The following MASP1 variants were observed in gnomAD, a reference collection of about 807,000 sequenced individuals.
MASP1 encodes the protein mannan-binding lectin serine protease 1.
Under a neutral mutation model 77.1 loss-of-function variants are expected in MASP1, and 59 were observed. The ratio of observed to expected loss-of-function variants is 0.77; its 90% CI spans 0.62 to 0.95. The LOEUF (loss-of-function observed/expected upper bound fraction) is 0.95, where lower values mean the gene tolerates loss of function less well. MASP1 is among the 40% of genes least tolerant of loss of function. The pLI, the probability that MASP1 is intolerant of heterozygous loss-of-function variation, is 0.00. For missense variants in MASP1, 885 were observed against 912.9 expected (o/e 0.97, Z 0.39); for synonymous variants, 362 against 354.5 (o/e 1.02, Z -0.24).
At chr3:187,287,802 G>T (rs550245903) in intron 1 of MASP1, among the ~76,000 whole-genome samples, 1 of 152,132 alleles carries the variant, frequency 6.6e-6, no homozygotes, top group Non-Finnish European at 1.5e-5. Context: ...TAATCAGGAC[G>T]TTGTTTCTCT....
chr3:187,270,816 C>T (rs1427584589), intron 2 of MASP1, among the ~76,000 whole-genome samples: 2 of 152,184 alleles, frequency 1.3e-5, no homozygotes, highest in African/African-American at 4.8e-5. Flanking sequence ...AATTCACTGG[C>T]ATTCACTATC....
intron 2 of MASP1, among the ~76,000 whole-genome samples, chr3:187,275,590 A>T (rs1447478240): frequency 6.6e-6 from 1 of 152,202 alleles, no homozygotes; most frequent in Non-Finnish European, 1.5e-5. Context: ...TCCAGCCATC[A>T]TCAAGTTTCA....
At position 187,260,823 on chromosome 3, in the gene MASP1, G is replaced by A. The variant is rs1375893490; in HGVS notation, c.465C>T (p.His155=). ...EREDEELSCD[H]YCHNYIGGYY... ...AGCCGCCAATGTAGTTGTGGCAGTA[G>A]TGGTCACAGGACAGCTCCTCGTCCT... is the stretch of plus-strand genomic sequence containing the variant. Residue 155 remains histidine, a synonymous_variant, in exon 4 of 11, where the codon CAC becomes CAT. Coordinates refer to ENST00000296280, the MANE Select transcript of MASP1 (RefSeq NM_139125.4). 11 of 1,614,058 alleles carry A rather than the reference G, an allele frequency of 6.8e-6. No individual in the cohort carries two copies. The highest frequency in any genetic ancestry group is 8.5e-6 in the Non-Finnish European group (10 of 1,180,034).
chr3:187,264,832 G>T (rs959720019), intron 2 of MASP1, among the ~76,000 whole-genome samples: 5 of 152,126 alleles, frequency 3.3e-5, no homozygotes, highest in Admixed American at 1.3e-4. Flanking sequence ...TAGAATGAGG[G>T]CCTGGGAAAG....
At chr3:187,273,709 C>T (rs577091710) in intron 2 of MASP1, among the ~76,000 whole-genome samples, 1 of 152,312 alleles carries the variant, frequency 6.6e-6, no homozygotes, top group East Asian at 1.9e-4. Flanking sequence ...TTAAAGGCAC[C>T]TGATACCAGA....
chr3:187,291,499 A>C, intron 1 of MASP1, 129 bp downstream of exon 1: 2 of 1,261,314 alleles, frequency 1.6e-6, no homozygotes, highest in South Asian at 1.2e-5. Context: ...CTAAGAATTG[A>C]TGAGAAAGCC....
At chr3:187,255,886 T>C (rs1387753444) in intron 5 of MASP1, among the ~76,000 whole-genome samples, 7 of 152,178 alleles carry the variant, frequency 4.6e-5, no homozygotes, top group Admixed American at 4.6e-4. Context: ...TCAGCACCTC[T>C]TTAAACATTT....
chr3:187,237,406 C>G (rs923196426), intron 10 of MASP1, among the ~76,000 whole-genome samples: 2 of 152,244 alleles, frequency 1.3e-5, no homozygotes, highest in African/African-American at 4.8e-5. Context: ...GGCCCTCAAA[C>G]CTTTTCTTCT....
chr3:187,240,837 T>C (rs1228606403), intron 10 of MASP1, among the ~76,000 whole-genome samples: 1 of 152,218 alleles, frequency 6.6e-6, no homozygotes, highest in African/African-American at 2.4e-5. Context: ...GGTTCCACTG[T>C]GTTGACCAGG....
intron 2 of MASP1, among the ~76,000 whole-genome samples, chr3:187,278,780 G>A (rs1184452234): frequency 6.6e-5 from 10 of 152,122 alleles, no homozygotes; most frequent in Non-Finnish European, 1.2e-4. Context: ...TAGCTGTCCA[G>A]GAGGCCTGTG....
Position 187,243,516 on chromosome 3 carries a change from T to C in MASP1, c.1196A>G (p.Glu399Gly). 6.2e-7 allele frequency: 1 copy of C among 1,614,122 alleles called. No homozygotes were observed. The highest frequency in any genetic ancestry group is 1.1e-5 in the South Asian group (1 of 91,074). Residue 399 changes from glutamate (E) to glycine (G), a missense_variant, in exon 9 of 11, where the codon GAG (glutamate) becomes GGG (glycine). Transcript: ENST00000296280. Reference protein sequence around the residue: ...YKSEIKYSCQEPYYKMLNNNT... With the variant: ...YKSEIKYSCQGPYYKMLNNNT... ...ATTGTTGAGCATCTTGTAATAGGGC[T>C]CCTGACAGGAGTATTTGATCTCAGA... is the stretch of plus-strand genomic sequence containing the variant.
intron 2 of MASP1, among the ~76,000 whole-genome samples, chr3:187,277,733 T>A (rs1248235608): frequency 1.3e-5 from 2 of 152,222 alleles, no homozygotes; most frequent in Admixed American, 6.5e-5. Flanking sequence ...TTTCCTTTTT[T>A]GTAAATTAGG....
In MASP1 at chr3:187,219,641, G is replaced by A. The variant is rs72549163; in HGVS notation, c.*430C>T. ...AGGCAGGGGTTTGTAAGAGAGCTTC[G>A]TCTGCCTGGTAGACACATCGACCTT... On this transcript the variant is annotated 3_prime_UTR_variant, in exon 16 of 16. Coordinates refer to the MASP1 transcript ENST00000337774. 3.2e-3 allele frequency: 757 copies of A among 235,270 alleles called. 4 individuals are homozygous for A. The highest frequency in any genetic ancestry group is 3.6e-3 in the Non-Finnish European group (413 of 116,280). The allele number at this position is 235,270 out of a possible 1,614,324, so 14.6% of individuals were successfully genotyped here.
chr3:187,277,949 G>T (rs1717095031), intron 2 of MASP1, among the ~76,000 whole-genome samples: 1 of 152,194 alleles, frequency 6.6e-6, no homozygotes, highest in African/African-American at 2.4e-5. Context: ...GCAGTCAGTG[G>T]TAGGGTCAGA....
At chr3:187,243,889 G>A (rs1417067115) in intron 8 of MASP1, 21 of 502,506 alleles carry the variant, frequency 4.2e-5, no homozygotes, top group Non-Finnish European at 3.6e-6. Flanking sequence ...GGTAGGGGAA[G>A]GTCTACTGAG....
At chr3:187,233,055 C>T (rs1712866977), downstream of MASP1, among the ~76,000 whole-genome samples, 1 of 152,198 alleles carries the variant, frequency 6.6e-6, no homozygotes, top group Non-Finnish European at 1.5e-5. Flanking sequence ...GCCCCTCCTC[C>T]TGTCTGCACT....
chr3:187,289,813 T>A (rs961218264), intron 1 of MASP1, among the ~76,000 whole-genome samples: 3 of 152,182 alleles, frequency 2.0e-5, no homozygotes, highest in African/African-American at 7.2e-5. Context: ...TGATCATCAG[T>A]GTGGTTTGGG....
At chr3:187,257,774 G>T (rs1715217437) in intron 4 of MASP1, among the ~76,000 whole-genome samples, 1 of 152,156 alleles carries the variant, frequency 6.6e-6, no homozygotes, top group Non-Finnish European at 1.5e-5. Flanking sequence ...GTAATCTACT[G>T]TCTTACTGTA....
chr3:187,278,262 C>T (rs1268085736), intron 2 of MASP1, among the ~76,000 whole-genome samples: 2 of 152,180 alleles, frequency 1.3e-5, no homozygotes, highest in Non-Finnish European at 2.9e-5. Context: ...TTTGAGCTCC[C>T]AACCACTGAG....
Sources: gnomAD v4.1 joint callset for allele counts (sites outside exome capture counted in the v4.1 genomes callset) on GRCh38, gnomAD v4.1.1 for gene constraint, MANE v1.5 for transcripts, NCBI Gene and HGNC (gene_info 2026-07-23, HGNC 2026-07-21) for gene names.